Variants in KIF6 observed in about 807,000 individuals in gnomAD.
KIF6 encodes kinesin family member 6.
Under a neutral mutation model 112.7 loss-of-function variants are expected in KIF6, and 106 were observed. That is an observed-to-expected ratio of 0.94 (90% CI 0.80 to 1.11). KIF6 has a LOEUF of 1.11. Ranked by LOEUF, KIF6 falls within the 50% of genes least tolerant of loss-of-function variation. The pLI, the probability that KIF6 is intolerant of heterozygous loss-of-function variation, is 0.00. For synonymous variants in KIF6, 339 were observed against 339.9 expected, an observed-to-expected ratio of 1.00 and a Z score of 0.03; for missense variants, 929 against 964.0, an observed-to-expected ratio of 0.96 and a Z score of 0.48.
chr6:39,643,652 GC>G (rs996386186), intron 3 of KIF6, among the ~76,000 whole-genome samples: 1 of 152,050 alleles, frequency 6.6e-6, no homozygotes, highest in Non-Finnish European at 1.5e-5. Flanking sequence ...TCTACCTCAG[GC>G]CATGTACAAA....
intron 3 of KIF6, among the ~76,000 whole-genome samples, chr6:39,656,814 GCT>G (rs1785815783): frequency 6.6e-6 from 1 of 152,136 alleles, no homozygotes; most frequent in East Asian, 1.9e-4. Context: ...GCTTTTTAAA[GCT>G]CTTTCTGACC....
At chr6:39,432,004 G>GAAAAC (rs1406840370) in intron 13 of KIF6, among the ~76,000 whole-genome samples, 2 of 151,814 alleles carry the variant, frequency 1.3e-5, no homozygotes, top group Non-Finnish European at 2.9e-5. Flanking sequence ...TGCCTGGGAG[G>GAAAAC]CCTTTTCTCA....
intron 2 of KIF6, chr6:39,715,098 T>C (rs551363638): frequency 5.2e-6 from 1 of 190,534 alleles, no homozygotes; most frequent in African/African-American, 2.3e-5. Context: ...CAAAACCAGA[T>C]AGCTGCATGA....
chr6:39,372,434 T>C (rs2224629), intron 16 of KIF6, among the ~76,000 whole-genome samples: 62,717 of 152,164 alleles, frequency 0.41, 14,888 homozygotes, highest in Non-Finnish European at 0.52. Context: ...CTGACATAAA[T>C]GGTAGTAAGG....
rs534211980 is a variant in KIF6, at chr6:39,382,551, T to C, written c.1861+3071A>G. ...TCCATGATGTGTACCACATTTTCTT[T>C]ATCCAATCTGCCATTGATGGGCACC... On this transcript the variant is annotated intron_variant, in intron 16 of 22. Coordinates refer to ENST00000287152, the MANE Select transcript of KIF6 (RefSeq NM_145027.6). Among the ~76,000 whole-genome samples the C allele has an allele frequency of 1.1e-4, 17 of 152,344 alleles. No individual in the cohort carries two copies. In the South Asian group the frequency reaches 3.5e-3, roughly 32 times the overall value.
Position 39,438,323 on chromosome 6 carries a change from A to G in KIF6, c.1646-7162T>C, listed in dbSNP as rs566528608. ...TTAGAGTGTACTTCTTCTACTTATA[A>G]GTTAACTGTAAAAAAGCCTTGGGCA... On this transcript the variant is annotated intron_variant, in intron 13 of 22. Coordinates refer to ENST00000287152, the MANE Select transcript of KIF6 (RefSeq NM_145027.6). 3.6e-3 allele frequency among the ~76,000 whole-genome samples: 549 copies of G among 152,248 alleles called. 3 individuals are homozygous for G. Among genetic ancestry groups the G allele is most frequent in the Non-Finnish European group, 3.4e-3 (233 of 68,022 alleles).
At chr6:39,476,414 A>G (rs1774430629) in intron 13 of KIF6, among the ~76,000 whole-genome samples, 1 of 152,030 alleles carries the variant, frequency 6.6e-6, no homozygotes, top group African/African-American at 2.4e-5. Context: ...ACAATCAAGC[A>G]TGCTTTGCTT....
At chr6:39,411,700 G>A (rs1769486404) in intron 15 of KIF6, among the ~76,000 whole-genome samples, 1 of 152,222 alleles carries the variant, frequency 6.6e-6, no homozygotes, top group Non-Finnish European at 1.5e-5. Context: ...TATCATTGTT[G>A]CAGGAATGTT....
chr6:39,618,029 A>C (rs1239571191), intron 5 of KIF6, among the ~76,000 whole-genome samples: 2 of 152,042 alleles, frequency 1.3e-5, no homozygotes, highest in Non-Finnish European at 2.9e-5. Context: ...ATGTAAGGTG[A>C]CCCCTCCTTT....
At chr6:39,346,713 T>G (rs1302675267) in intron 19 of KIF6, among the ~76,000 whole-genome samples, 187 bp from the exon 20 acceptor site, 2 of 152,142 alleles carry the variant, frequency 1.3e-5, no homozygotes, top group African/African-American at 2.4e-5. Context: ...AGTGGCATGA[T>G]CTTGGCTCAC....
At chr6:39,720,405 A>G (rs1008910293) in intron 2 of KIF6, among the ~76,000 whole-genome samples, 6 of 152,146 alleles carry the variant, frequency 3.9e-5, no homozygotes, top group Non-Finnish European at 7.3e-5. Context: ...CATGCATTGG[A>G]ACTTTCTGTA....
chr6:39,700,827 C>T (rs1385710444), intron 3 of KIF6, among the ~76,000 whole-genome samples: 4 of 151,938 alleles, frequency 2.6e-5, no homozygotes, highest in Non-Finnish European at 5.9e-5. Context: ...ATTCTCATAC[C>T]TCAACCTCCC....
intron 5 of KIF6, among the ~76,000 whole-genome samples, chr6:39,616,543 G>T (rs796883737): frequency 1.9e-4 from 29 of 152,278 alleles, no homozygotes; most frequent in African/African-American, 6.3e-4. Flanking sequence ...CATCCTTCTG[G>T]AATCTTTGAA....
Position 39,351,084 on chromosome 6 carries a change from TG to T in KIF6, c.2181-4559del, listed in dbSNP as rs1281400848. 2.7e-5 allele frequency among the ~76,000 whole-genome samples: 4 copies of T among 147,108 alleles called. No individual in the cohort carries two copies. The East Asian group carries it at 6.0e-4, about 22-fold the overall frequency. On this transcript the variant is annotated intron_variant, in intron 19 of 22. Transcript: ENST00000287152. ...CAGCAGTCACCGAAGGGGCTTGGGGTGGGGGTGGGGACTCTGGGAGCAGGAT... is the reference window on the plus strand; with the variant it reads ...CAGCAGTCACCGAAGGGGCTTGGGGTGGGGTGGGGACTCTGGGAGCAGGAT...
intron 13 of KIF6, among the ~76,000 whole-genome samples, chr6:39,487,129 A>C (rs1033926029): frequency 6.6e-6 from 1 of 152,262 alleles, no homozygotes; most frequent in Admixed American, 6.5e-5. Context: ...TAAAAATAGT[A>C]ATAAATAAAA....
chr6:39,639,554 G>A (rs935193873), intron 4 of KIF6, 56 bp downstream of exon 4: 18 of 1,342,278 alleles, frequency 1.3e-5, no homozygotes, highest in Non-Finnish European at 1.7e-5. Flanking sequence ...CCTGCTTTCA[G>A]TATATTTTTG....
intron 15 of KIF6, among the ~76,000 whole-genome samples, chr6:39,409,131 A>T (rs897612621): frequency 1.3e-5 from 2 of 152,190 alleles, no homozygotes; most frequent in African/African-American, 2.4e-5. Context: ...GTTAGCTATT[A>T]TGATGATGAC....
chr6:39,670,757 C>T (rs889303755), intron 3 of KIF6, among the ~76,000 whole-genome samples: 1 of 152,072 alleles, frequency 6.6e-6, no homozygotes, highest in Non-Finnish European at 1.5e-5. Flanking sequence ...TTAGTGAGTC[C>T]TCCTCCCTTA....
At chr6:39,651,895 TCACTCATAAAGGGATCA>T in intron 3 of KIF6, among the ~76,000 whole-genome samples, 1 of 152,088 alleles carries the variant, frequency 6.6e-6, no homozygotes, top group Non-Finnish European at 1.5e-5. Context: ...TTGATTGAGA[TCACTCATAAAGGGATCA>T]GGAAAAAGGA....
Sources: gnomAD v4.1 joint callset for allele counts (sites outside exome capture counted in the v4.1 genomes callset) on GRCh38, gnomAD v4.1.1 for gene constraint, MANE v1.5 for transcripts, NCBI Gene and HGNC (gene_info 2026-07-23, HGNC 2026-07-21) for gene names.